The following KLRK1 variants were observed in gnomAD, a reference collection of about 807,000 sequenced individuals.
KLRK1 encodes killer cell lectin like receptor K1.
KLRK1 carries 40 observed loss-of-function variants against 31.3 expected under a neutral mutation model. That is an observed-to-expected ratio of 1.28 (90% CI 0.99 to 1.67). The LOEUF is 1.67. KLRK1 is among the 40% of genes most tolerant of loss of function. The pLI, the probability that KLRK1 is intolerant of heterozygous loss-of-function variation, is 0.00. For missense variants in KLRK1, 251 were observed against 260.0 expected (o/e 0.97, Z 0.24); for synonymous variants, 77 against 77.3 (o/e 1.00, Z 0.02).
At chr12:10,377,284 A>G (rs1374205607) in intron 7 of KLRK1, among the ~76,000 whole-genome samples, 2 of 152,216 alleles carry the variant, frequency 1.3e-5, no homozygotes, top group Non-Finnish European at 2.9e-5. Context: ...GTATATACTT[A>G]TATGATTCAG....
chr12:10,379,974 C>A, intron 3 of KLRK1, 182 bp from the exon 4 acceptor site: 1 of 382,386 alleles, frequency 2.6e-6, no homozygotes, highest in Non-Finnish European at 4.6e-6. Context: ...TAGAGTACAA[C>A]AATGTAATAT....
At chr12:10,378,843 T>C in intron 5 of KLRK1, 138 bp from the exon 6 acceptor site, 1 of 1,024,324 alleles carries the variant, frequency 9.8e-7, no homozygotes, top group Non-Finnish European at 1.4e-6. Context: ...ACCAAAGGCA[T>C]ATCTCTACAT....
chr12:10,389,525 T>C (rs1863236017), intron 1 of KLRK1, among the ~76,000 whole-genome samples: 1 of 152,190 alleles, frequency 6.6e-6, no homozygotes, highest in Non-Finnish European at 1.5e-5. Flanking sequence ...ATTATGATAG[T>C]TGGAAAGCAC....
chr12:10,375,388 A>G (rs1227505915), intron 7 of KLRK1, among the ~76,000 whole-genome samples: 1 of 152,192 alleles, frequency 6.6e-6, no homozygotes, highest in Non-Finnish European at 1.5e-5. Flanking sequence ...TAACATGTTA[A>G]GATTCTGTTG....
chr12:10,379,231 AAAAGAG>A (rs1404973692), intron 5 of KLRK1: 1 of 161,226 alleles, frequency 6.2e-6, no homozygotes, highest in African/African-American at 2.5e-5. Context: ...AAAAAAAAAA[AAAAGAG>A]AGAGAGAGAG....
chr12:10,381,630 G>A (rs1430684000), intron 3 of KLRK1, among the ~76,000 whole-genome samples: 1 of 152,174 alleles, frequency 6.6e-6, no homozygotes, highest in East Asian at 1.9e-4. Flanking sequence ...TGGCAGAAGA[G>A]CAAGCTGGCT....
intron 2 of KLRK1, among the ~76,000 whole-genome samples, chr12:10,387,815 G>A (rs1863196815): frequency 6.6e-6 from 1 of 151,710 alleles, no homozygotes; most frequent in African/African-American, 2.4e-5. Flanking sequence ...CAAATTTCTG[G>A]GATTATAGGC....
At chr12:10,376,991 A>T (rs1862979960) in intron 7 of KLRK1, among the ~76,000 whole-genome samples, 1 of 151,900 alleles carries the variant, frequency 6.6e-6, no homozygotes, top group African/African-American at 2.4e-5. Flanking sequence ...TAATTTTTGT[A>T]TTTTTAGTAG....
At chr12:10,388,636 A>T (rs1863211177) in intron 2 of KLRK1, 135 bp downstream of exon 2, 1 of 1,042,390 alleles carries the variant, frequency 9.6e-7, no homozygotes, top group Admixed American at 2.6e-5. Context: ...TGAACATAAC[A>T]TGAAATCAAC....
At chr12:10,376,780 A>G (rs1862974204) in intron 7 of KLRK1, among the ~76,000 whole-genome samples, 2 of 151,110 alleles carry the variant, frequency 1.3e-5, no homozygotes, top group Admixed American at 1.3e-4. Flanking sequence ...TCATATACCA[A>G]AACACATCAT....
intron 3 of KLRK1, among the ~76,000 whole-genome samples, chr12:10,386,142 TA>T (rs1863163929): frequency 2.0e-5 from 3 of 152,024 alleles, no homozygotes; most frequent in African/African-American, 7.2e-5. Flanking sequence ...AGTGGATATT[TA>T]AATTGTTTCT....
rs1863041067 is a variant in KLRK1, at chr12:10,380,041, T to TG, written c.149-250dup. On this transcript the variant is annotated intron_variant, in intron 3 of 7. Transcript: ENST00000240618. ...TCATCCCTAGAGTAAATTATGCTTA[T>TG]GATTTTTTGTTGTTATTGTTTTTTT... Among the ~76,000 whole-genome samples the TG allele has an allele frequency of 4.8e-5, 3 of 62,310 alleles. No individual in the cohort carries two copies. The East Asian group carries it at 1.5e-3, about 31-fold the overall frequency. 40.9% of individuals were successfully genotyped at this position (62,310 alleles called of 152,430 possible).
rs2137798285 is a variant in KLRK1 at position 10,373,110 on chromosome 12, A to G, written c.*4T>C. On this transcript the variant is annotated 3_prime_UTR_variant, in exon 8 of 8. Coordinates refer to ENST00000240618, the MANE Select transcript of KLRK1 (RefSeq NM_007360.4). ...CTGGCTTTTATTGAGATGGTTGATC[A>G]TCTTTACACAGTCCTTTGCATGCAG... The G allele has an allele frequency of 1.2e-6, 2 of 1,610,454 alleles. No homozygotes were observed. Among genetic ancestry groups the G allele is most frequent in the East Asian group, 2.2e-5 (1 of 44,756 alleles).
intron 7 of KLRK1, among the ~76,000 whole-genome samples, chr12:10,376,034 C>G (rs1862958549): frequency 6.6e-6 from 1 of 152,118 alleles, no homozygotes; most frequent in Non-Finnish European, 1.5e-5. Context: ...CAGAAGGTCA[C>G]CTTTGAATAT....
rs763200807 is a variant in KLRK1 at position 10,386,931 on chromosome 12, T to C, written c.120A>G (p.Pro40=). 7 of 1,612,180 alleles carry C rather than the reference T, an allele frequency of 4.3e-6. No individual in the cohort carries two copies. The South Asian group carries it at 5.5e-5, about 13-fold the overall frequency. Residue 40 remains proline, a synonymous_variant, in exon 3 of 8, where the codon CCA becomes CCG. Transcript: ENST00000240618. Reference sequence around the variant, plus strand: ...TTTCTCTACATTTGCTTTTGACTACTGGACATCTTTGCTTTTGCCATCGTG... The same window carrying C: ...TTTCTCTACATTTGCTTTTGACTACCGGACATCTTTGCTTTTGCCATCGTG... ...FSTRWQKQRC[P]VVKSKCRENA...
chr12:10,380,735 G>A (rs577321347), intron 3 of KLRK1, among the ~76,000 whole-genome samples: 10 of 152,194 alleles, frequency 6.6e-5, no homozygotes, highest in Admixed American at 5.9e-4. Flanking sequence ...CATTCCTCAC[G>A]ATCCCTGAGT....
chr12:10,379,462 G>C lies in KLRK1; in HGVS notation c.262C>G (p.Gln88Glu), dbSNP rs1336607343. 2.0e-6 allele frequency: 3 copies of C among 1,474,282 alleles called. No individual in the cohort carries two copies. Among genetic ancestry groups the C allele is most frequent in the Non-Finnish European group, 2.8e-6 (3 of 1,074,066 alleles). 91.3% of individuals were successfully genotyped at this position (1,474,282 alleles called of 1,614,324 possible). ...ATTCACTTACCGGTCAAGGGAATTT[G>C]AACTTCTTGGTTGAATAATGCTATT... ...FLNSLFNQEV[Q>E]IPLTESYCGP... Residue 88 changes from glutamine (Q) to glutamate (E), a missense_variant, in exon 5 of 8, where the codon CAA becomes GAA. Physicochemically the swap from Gln to Glu is conservative, Grantham distance 29. Transcript: ENST00000240618.
At chr12:10,378,089 G>GA (rs756702522) in intron 7 of KLRK1, 43 bp downstream of exon 7, 16 of 1,571,036 alleles carry the variant, frequency 1.0e-5, no homozygotes, top group African/African-American at 1.4e-5. Flanking sequence ...GAAAACTTAG[G>GA]AAAAAAATTA....
intron 7 of KLRK1, among the ~76,000 whole-genome samples, chr12:10,377,609 GGAAAGA>G (rs1359371312): frequency 2.1e-4 from 32 of 152,160 alleles, no homozygotes; most frequent in African/African-American, 7.2e-4. Flanking sequence ...CTGATTGACT[GGAAAGA>G]GAAAGAGGTA....
Sources: gnomAD v4.1 joint callset for allele counts (sites outside exome capture counted in the v4.1 genomes callset) on GRCh38, gnomAD v4.1.1 for gene constraint, MANE v1.5 for transcripts, NCBI Gene and HGNC (gene_info 2026-07-23, HGNC 2026-07-21) for gene names.